The following CDCA4 variants were observed in gnomAD, a reference collection of about 807,000 sequenced individuals.
The protein encoded by CDCA4 is cell division cycle associated 4.
For missense variants in CDCA4, 294 were observed against 322.1 expected (o/e 0.91, Z 0.67); for synonymous variants, 130 against 137.0 (o/e 0.95, Z 0.36).
intron 1 of CDCA4, among the ~76,000 whole-genome samples, chr14:105,020,765 G>A (rs1354127492): frequency 1.3e-5 from 2 of 151,948 alleles, no homozygotes; most frequent in African/African-American, 4.8e-5. Flanking sequence ...GGCGGCCCGG[G>A]CCCCTCTGTT....
chr14:105,020,707 G>A (rs949030138), intron 1 of CDCA4, among the ~76,000 whole-genome samples: 3 of 152,072 alleles, frequency 2.0e-5, no homozygotes, highest in African/African-American at 7.2e-5. Flanking sequence ...GGGGCCGCCC[G>A]CAGGCCTCGG....
intron 1 of CDCA4, among the ~76,000 whole-genome samples, chr14:105,020,103 C>G (rs1383726381): frequency 6.6e-6 from 1 of 152,212 alleles, no homozygotes; most frequent in Non-Finnish European, 1.5e-5. Context: ...ACTTCCTAGC[C>G]CCTTTTCCAA....
rs1055096880 is a variant in CDCA4, at chr14:105,010,028, G to A, written c.*1176C>T. The A allele has an allele frequency of 2.0e-5, 3 of 152,416 alleles. No homozygotes were observed. The highest frequency in any genetic ancestry group is 7.2e-5 in the African/African-American group (3 of 41,446). The allele number at this position is 152,416 out of a possible 1,614,324, so 9.4% of individuals were successfully genotyped here. On this transcript the variant is annotated 3_prime_UTR_variant, in exon 2 of 2. Transcript: ENST00000336219. ...GCACAAAAGAAAACACACCTTTTTG[G>A]TTAAGGGGTGAGGAAGTTAGAGAAA...
At chr14:105,014,117 C>A (rs1273008888) in intron 1 of CDCA4, among the ~76,000 whole-genome samples, 1 of 152,194 alleles carries the variant, frequency 6.6e-6, no homozygotes, top group Non-Finnish European at 1.5e-5. Context: ...CATTGTCATG[C>A]TGACCCAGAG....
chr14:105,011,030 G>C lies in CDCA4; in HGVS notation c.*174C>G. ...GCCTGGCGCTCCACAGGGGGGAGGT[G>C]AGTGGGACGGGCCTAGGGCTGCAGC... On this transcript the variant is annotated 3_prime_UTR_variant, in exon 2 of 2. Transcript: ENST00000336219. 1.4e-6 allele frequency: 1 copy of C among 739,034 alleles called. No homozygotes were observed. The highest frequency in any genetic ancestry group is 2.7e-5 in the East Asian group (1 of 36,464). The allele number at this position is 739,034 out of a possible 1,614,324, so 45.8% of individuals were successfully genotyped here. A position where few individuals can be genotyped will look rare whatever the true frequency, so the allele number is the denominator to read the frequency against.
At chr14:105,013,715 A>T (rs1170205249) in intron 1 of CDCA4, among the ~76,000 whole-genome samples, 1 of 152,168 alleles carries the variant, frequency 6.6e-6, no homozygotes, top group Non-Finnish European at 1.5e-5. Flanking sequence ...CTACCCTTGA[A>T]TTAACAGAAG....
chr14:105,012,065 G>C (rs912171922), intron 1 of CDCA4, 130 bp from the exon 2 acceptor site: 2 of 1,061,416 alleles, frequency 1.9e-6, no homozygotes, highest in Admixed American at 5.2e-5. Flanking sequence ...GGACTTGACA[G>C]AGCTGTAACT....
chr14:105,015,801 A>T (rs1332738681), intron 1 of CDCA4, among the ~76,000 whole-genome samples: 1 of 152,160 alleles, frequency 6.6e-6, no homozygotes, highest in Non-Finnish European at 1.5e-5. Context: ...AGTAGCTGGG[A>T]TTACAAGGGT....
chr14:105,013,482 T>C (rs1900558751), intron 1 of CDCA4, among the ~76,000 whole-genome samples: 1 of 152,254 alleles, frequency 6.6e-6, no homozygotes, highest in Non-Finnish European at 1.5e-5. Flanking sequence ...TTACAATCTT[T>C]TGAATATGCA....
chr14:105,011,735 C>G lies in CDCA4; in HGVS notation c.195G>C (p.Thr65=), dbSNP rs778065878. 89 of 1,613,612 alleles carry G rather than the reference C, an allele frequency of 5.5e-5. No individual in the cohort carries two copies. Among genetic ancestry groups the G allele is most frequent in the Non-Finnish European group, 6.8e-5 (80 of 1,180,048 alleles). ...TCATCTCCTCTTGGATCTGCCGGAC[C>G]GTGTTGGCAATGAGGACTGAGCGGC... ...NLCRSVLIAN[T]VRQIQEEMTQ... The change falls in exon 2 of 2, where the codon ACG becomes ACC. Residue 65 remains threonine (T), a synonymous_variant. Transcript: ENST00000336219.
chr14:105,017,840 A>AC (rs1491364274), intron 1 of CDCA4, among the ~76,000 whole-genome samples: 9 of 151,660 alleles, frequency 5.9e-5, no homozygotes, highest in Admixed American at 5.2e-4. Context: ...CAAAAAAAAA[A>AC]CACACACACA....
chr14:105,015,942 C>G (rs4429223), intron 1 of CDCA4, among the ~76,000 whole-genome samples: 121,971 of 151,908 alleles, frequency 0.8, 49,158 homozygotes, highest in Middle Eastern at 0.89. Context: ...CTACAGGCGT[C>G]AGCCACCGTG....
chr14:105,011,584 C>G lies in CDCA4; in HGVS notation c.346G>C (p.Gly116Arg). The G allele has an allele frequency of 6.2e-7, 1 of 1,614,020 alleles. No individual in the cohort carries two copies. The highest frequency in any genetic ancestry group is 8.5e-7 in the Non-Finnish European group (1 of 1,180,022). Residue 116 changes from glycine (G) to arginine (R), a missense_variant, in exon 2 of 2, where the codon GGC (glycine) becomes CGC (arginine). Gly to Arg is a moderately radical substitution (Grantham distance 125). Coordinates refer to ENST00000336219, the MANE Select transcript of CDCA4 (RefSeq NM_017955.4). ...CCCTGTGTGTGGCCGTCCCCCAAGC[C>G]AGGAGCAGGATGTGCCCCCTCTTGC... is the stretch of plus-strand genomic sequence containing the variant. Reference protein sequence around the residue: ...WGQEGAHPAPGLGDGHTQGPV... With the variant: ...WGQEGAHPAPRLGDGHTQGPV...
intron 1 of CDCA4, among the ~76,000 whole-genome samples, chr14:105,012,846 G>C (rs1900542739): frequency 1.3e-5 from 2 of 152,094 alleles, no homozygotes; most frequent in Non-Finnish European, 1.5e-5. Context: ...GCTCTGACCA[G>C]CCCGTACAAC....
rs1900487481 is a variant in CDCA4 at position 105,011,167 on chromosome 14, T to C, written c.*37A>G. 6.4e-7 allele frequency: 1 copy of C among 1,563,982 alleles called. No homozygotes were observed. The highest frequency in any genetic ancestry group is 8.7e-7 in the Non-Finnish European group (1 of 1,155,250). ...GTGGGAGCCAGTGCTCACGTGTCAA[T>C]GCGTCAGAGGCGGCTGTGAGCACTC... On this transcript the variant is annotated 3_prime_UTR_variant, in exon 2 of 2. Transcript: ENST00000336219.
intron 1 of CDCA4, among the ~76,000 whole-genome samples, chr14:105,019,515 G>C (rs1886170239): frequency 6.6e-6 from 1 of 152,250 alleles, no homozygotes. Flanking sequence ...CCACTTCAAA[G>C]TTTCGGGTTT....
At chr14:105,013,528 T>C (rs1206337564) in intron 1 of CDCA4, among the ~76,000 whole-genome samples, 1 of 152,260 alleles carries the variant, frequency 6.6e-6, no homozygotes, top group Admixed American at 6.5e-5. Flanking sequence ...GTCAATCTGA[T>C]GGCTCCCTGT....
intron 1 of CDCA4, among the ~76,000 whole-genome samples, chr14:105,017,154 CAG>C (rs1031517361): frequency 1.3e-5 from 2 of 152,086 alleles, no homozygotes; most frequent in African/African-American, 4.8e-5. Flanking sequence ...TGTGAGCCTC[CAG>C]AGAGGCTCCT....
At chr14:105,013,014 T>C (rs1344534730) in intron 1 of CDCA4, among the ~76,000 whole-genome samples, 2 of 152,230 alleles carry the variant, frequency 1.3e-5, no homozygotes, top group Non-Finnish European at 2.9e-5. Context: ...TTTCTCGGCG[T>C]ATGCCTCAGC....
Sources: gnomAD v4.1 joint callset for allele counts (sites outside exome capture counted in the v4.1 genomes callset) on GRCh38, gnomAD v4.1.1 for gene constraint, MANE v1.5 for transcripts, NCBI Gene and HGNC (gene_info 2026-07-23, HGNC 2026-07-21) for gene names.